Variants in KLRG1 observed in about 807,000 individuals in gnomAD.
KLRG1 encodes the protein killer cell lectin-like receptor subfamily G member 1.
A neutral mutation model predicts 21.8 loss-of-function variants in KLRG1; 16 were observed. The ratio of observed to expected loss-of-function variants is 0.73; its 90% confidence interval spans 0.50 to 1.11. The LOEUF (loss-of-function observed/expected upper bound fraction) is 1.11, where lower values mean the gene tolerates loss of function less well. Ranked by LOEUF, KLRG1 falls within the 50% of genes most tolerant of loss-of-function variation. The pLI is 0.00. For synonymous variants in KLRG1, 69 were observed against 75.9 expected, an observed-to-expected ratio of 0.91 and a Z score of 0.47; for missense variants, 173 against 218.3, an observed-to-expected ratio of 0.79 and a Z score of 1.31.
At chr12:9,019,358 G>A in the KLRG1 span, among the ~76,000 whole-genome samples, 5 of 152,296 alleles carry the variant, frequency 3.3e-5, no homozygotes, top group African/African-American at 1.2e-4. Flanking sequence ...ACAACAATAT[G>A]TAGTTTCCTC....
At chr12:9,010,824 A>G (rs980633534), downstream of KLRG1, 2 of 152,238 alleles carry the variant, frequency 1.3e-5, no homozygotes, top group Non-Finnish European at 2.9e-5. Flanking sequence ...GAAAAACAGT[A>G]TATCCTAATC....
the KLRG1 span, chr12:9,027,664 T>A: frequency 1.0e-6 from 1 of 954,280 alleles, no homozygotes. Context: ...CTTCCCTTCA[T>A]GGGTCCAAAA....
At chr12:9,177,967 T>C in the KLRG1 span, among the ~76,000 whole-genome samples, 2 of 152,230 alleles carry the variant, frequency 1.3e-5, no homozygotes, top group Non-Finnish European at 2.9e-5. Context: ...GAGAAAGTTT[T>C]CTTGTTTTGG....
At chr12:9,176,786 T>G in the KLRG1 span, among the ~76,000 whole-genome samples, 1 of 152,196 alleles carries the variant, frequency 6.6e-6, no homozygotes, top group Non-Finnish European at 1.5e-5. Flanking sequence ...GTGTCAATAG[T>G]GATTATTCTA....
At chr12:8,991,325 A>T (rs904038850) in intron 1 of KLRG1, among the ~76,000 whole-genome samples, 1 of 152,192 alleles carries the variant, frequency 6.6e-6, no homozygotes, top group African/African-American at 2.4e-5. Context: ...GTAGTGTCCT[A>T]TTCTTAAACT....
rs1214470299 is a variant in KLRG1 at position 8,966,032 on chromosome 12, C to T, written c.-156+15796C>T. Among the ~76,000 whole-genome samples, 6 of 152,024 alleles carry T rather than the reference C, an allele frequency of 3.9e-5. No individual in the cohort carries two copies. The South Asian group carries it at 6.2e-4, about 16-fold the overall frequency. On this transcript the variant is annotated intron_variant, in intron 1 of 4. Transcript: ENST00000539240. ...AGAACAGAGCCCTCAGAGATAATGC[C>T]GCATATCTACAACTATCTGATCTTT...
chr12:9,116,081 A>T, the KLRG1 span: 3 of 514,880 alleles, frequency 5.8e-6, no homozygotes, highest in Admixed American at 2.6e-5. Flanking sequence ...GGCTAAATAG[A>T]ATCCCTGGAG....
chr12:8,971,031 T>C (rs1036274721), intron 1 of KLRG1: 2 of 152,194 alleles, frequency 1.3e-5, no homozygotes, highest in African/African-American at 4.8e-5. Context: ...TCTATAATCT[T>C]GAAGGCGGAG....
the KLRG1 span, chr12:9,090,239 GA>G: frequency 1.3e-6 from 2 of 1,518,176 alleles, no homozygotes; most frequent in Non-Finnish European, 9.1e-7. Context: ...AAAGGCAAAG[GA>G]AAAAAATCGC....
At chr12:9,138,220 A>G in the KLRG1 span, among the ~76,000 whole-genome samples, 1 of 152,020 alleles carries the variant, frequency 6.6e-6, no homozygotes, top group African/African-American at 2.4e-5. Context: ...AGTTTTTAAC[A>G]TGAAAGAATG....
At chr12:9,198,089 AT>A in the KLRG1 span, among the ~76,000 whole-genome samples, 329 of 150,270 alleles carry the variant, frequency 2.2e-3, 1 homozygote, top group African/African-American at 7.7e-3. Context: ...GCTTTGGCTC[AT>A]GCCTGCAACC....
At chr12:9,139,737 T>C in the KLRG1 span, among the ~76,000 whole-genome samples, 9 of 152,128 alleles carry the variant, frequency 5.9e-5, no homozygotes, top group African/African-American at 1.9e-4. Context: ...CTGATATAAG[T>C]GTAGCCACTC....
At chr12:9,129,708 C>G in the KLRG1 span, among the ~76,000 whole-genome samples, 1 of 151,996 alleles carries the variant, frequency 6.6e-6, no homozygotes, top group Non-Finnish European at 1.5e-5. Flanking sequence ...CCACCACGCC[C>G]GGCTACTTTT....
chr12:9,202,637 C>T, the KLRG1 span: 3 of 1,614,144 alleles, frequency 1.9e-6, no homozygotes, highest in East Asian at 6.7e-5. Context: ...GCCCCTTTAT[C>T]TGGATGCTAA....
At chr12:9,037,015 G>T in the KLRG1 span, 1 of 188,588 alleles carries the variant, frequency 5.3e-6, no homozygotes, top group East Asian at 1.7e-4. Context: ...GACATCAAGT[G>T]CCAACTGCAC....
the KLRG1 span, among the ~76,000 whole-genome samples, chr12:9,044,533 G>C: frequency 6.6e-6 from 1 of 152,036 alleles, no homozygotes; most frequent in Non-Finnish European, 1.5e-5. Flanking sequence ...CAGGCGTGGT[G>C]GCGTGCACCT....
chr12:9,077,691 A>G, the KLRG1 span: 2 of 1,613,094 alleles, frequency 1.2e-6, no homozygotes, highest in Non-Finnish European at 1.7e-6. Context: ...CTAGCTCCAG[A>G]ATGATTCACC....
chr12:9,150,519 G>A, the KLRG1 span: 3 of 645,774 alleles, frequency 4.6e-6, no homozygotes, highest in African/African-American at 5.5e-5. Flanking sequence ...TTTTTATAGT[G>A]TACATCTTGG....
At chr12:9,030,465 G>A in the KLRG1 span, among the ~76,000 whole-genome samples, 1 of 151,838 alleles carries the variant, frequency 6.6e-6, no homozygotes, top group African/African-American at 2.4e-5. Flanking sequence ...TGAGTGCAAT[G>A]GCAAGGTCTT....
Sources: allele counts gnomAD v4.1 joint callset (sites outside exome capture counted in the v4.1 genomes callset), GRCh38; gene constraint gnomAD v4.1.1; transcripts MANE v1.5; gene names NCBI Gene and HGNC (gene_info 2026-07-23, HGNC 2026-07-21).